The following ENTPD2 variants were observed in gnomAD, a reference collection of about 807,000 sequenced individuals.
ENTPD2 encodes ectonucleoside triphosphate diphosphohydrolase 2.
A neutral mutation model predicts 46.8 loss-of-function variants in ENTPD2; 48 were observed. The observed-to-expected ratio is 1.03, with a 90% CI of 0.81 to 1.30. The LOEUF is 1.30. ENTPD2 is among the 50% of genes most tolerant of loss of function. The probability of loss-of-function intolerance (pLI) is 0.00; values close to 1 mark genes in which losing one functional copy is unlikely to be tolerated. For missense variants in ENTPD2, 707 were observed against 651.1 expected (o/e 1.09, Z -0.93); for synonymous variants, 316 against 286.1 (o/e 1.10, Z -1.06).
rs1458862199 is a variant in ENTPD2, at chr9:137,048,947, C to G, written c.1278G>C (p.Gln426His). 4.3e-6 allele frequency: 6 copies of G among 1,385,760 alleles called. No individual in the cohort carries two copies. The highest frequency in any genetic ancestry group is 1.9e-4 in the Middle Eastern group (1 of 5,322). 85.8% of individuals were successfully genotyped at this position (1,385,760 alleles called of 1,614,324 possible). Residue 426 changes from glutamine (Q) to histidine (H), a missense_variant, in exon 8 of 9, where the codon CAG (glutamine) becomes CAC (histidine). Coordinates refer to ENST00000355097, the MANE Select transcript of ENTPD2 (RefSeq NM_203468.3). ...DERAFGGVIF[Q>H]KKAADTAVGW... ...CCGCCCCGCCCCAGCCCACCTTCTT[C>G]TGGAAGATCACGCCGCCGAAGGCGC...
chr9:137,049,975 GA>G lies in ENTPD2; in HGVS notation c.1043del (p.Phe348SerfsTer27). Reference sequence around the variant, plus strand: ...TCCGCAAAAAGTCCACAGTGTAGAAGAAGGCAGAGAAGGCCTGTAGGGGGCG... The same window carrying G: ...TCCGCAAAAAGTCCACAGTGTAGAAGAGGCAGAGAAGGCCTGTAGGGGGCG... ...VAGNFVAFSA[F>X]FYTVDFLRTS... is the part of the protein sequence containing the mutation. On this transcript the variant is annotated frameshift_variant, in exon 7 of 9. Transcript: ENST00000355097. LOFTEE classifies it high-confidence loss of function. 1 of 1,612,188 alleles carries G rather than the reference GA, an allele frequency of 6.2e-7. No individual in the cohort carries two copies. Among genetic ancestry groups the G allele is most frequent in the Non-Finnish European group, 8.5e-7 (1 of 1,179,634 alleles).
In ENTPD2 at chr9:137,052,491, G is replaced by A. The variant is rs550399911; in HGVS notation, c.118-143C>T. ...GCCAAGCCTCATGCTGAAGCTCAGA[G>A]GAGGCCAGGGCCTCCTCTGAGGCCG... On this transcript the variant is annotated intron_variant, in intron 1 of 8. Transcript: ENST00000355097. The A allele has an allele frequency of 6.5e-5, 42 of 643,024 alleles. No homozygotes were observed. In the South Asian group the frequency reaches 7.6e-4, roughly 12 times the overall value. The allele number at this position is 643,024 out of a possible 1,614,324, so 39.8% of individuals were successfully genotyped here. A position where few individuals can be genotyped will look rare whatever the true frequency, so the allele number is the denominator to read the frequency against.
chr9:137,049,161 C>T, intron 7 of ENTPD2, 86 bp from the exon 8 acceptor site: 1 of 1,531,390 alleles, frequency 6.5e-7, no homozygotes, highest in South Asian at 1.2e-5. Flanking sequence ...GCGTGCTTCA[C>T]CCCTCCCCAG....
chr9:137,049,791 C>T, intron 7 of ENTPD2, 79 bp downstream of exon 7: 2 of 1,491,886 alleles, frequency 1.3e-6, no homozygotes, highest in Non-Finnish European at 1.8e-6. Context: ...GAGGCCTGTC[C>T]ATGCAGGGCT....
chr9:137,051,147 T>C lies in ENTPD2; in HGVS notation c.547-18A>G. The C allele has an allele frequency of 6.2e-7, 1 of 1,612,348 alleles. No individual in the cohort carries two copies. The highest frequency in any genetic ancestry group is 8.5e-7 in the Non-Finnish European group (1 of 1,179,692). On this transcript the variant is annotated intron_variant, in intron 4 of 8. Coordinates refer to ENST00000355097, the MANE Select transcript of ENTPD2 (RefSeq NM_203468.3). ...CAGCCGTACTGTGGAGAGGGGAGTG[T>C]GGGGTCAACCAGGGGCCGAGGGCGC...
chr9:137,048,604 G>A lies in ENTPD2; in HGVS notation c.*53C>T. ...GGGTTGTGGGAGGGGTGGGAGTACG[G>A]GGTGGGGATACAGGGGTTGGGGGAG... On this transcript the variant is annotated 3_prime_UTR_variant, in exon 9 of 9. Coordinates refer to ENST00000355097, the MANE Select transcript of ENTPD2 (RefSeq NM_203468.3). 1 of 1,484,870 alleles carries A rather than the reference G, an allele frequency of 6.7e-7. No individual in the cohort carries two copies. The highest frequency in any genetic ancestry group is 9.0e-7 in the Non-Finnish European group (1 of 1,109,960). The allele number at this position is 1,484,870 out of a possible 1,614,324, so 92.0% of individuals were successfully genotyped here. A position where few individuals can be genotyped will look rare whatever the true frequency, so the allele number is the denominator to read the frequency against.
chr9:137,048,928 C>G lies in ENTPD2; in HGVS notation c.1284+13G>C. On this transcript the variant is annotated intron_variant, in intron 8 of 8. Transcript: ENST00000355097. ...CCGCAAGGTCGGCCCCGCCCCGCCC[C>G]GCCCCAGCCCACCTTCTTCTGGAAG... 6.6e-7 allele frequency: 1 copy of G among 1,507,998 alleles called. No individual in the cohort carries two copies. The highest frequency in any genetic ancestry group is 8.8e-7 in the Non-Finnish European group (1 of 1,130,818). The allele number at this position is 1,507,998 out of a possible 1,614,324, so 93.4% of individuals were successfully genotyped here. A position where few individuals can be genotyped will look rare whatever the true frequency, so the allele number is the denominator to read the frequency against.
Position 137,048,602 on chromosome 9 carries a change from C to A in ENTPD2, c.*55G>T, listed in dbSNP as rs1347090758. The stretch of plus-strand genomic sequence containing the variant: ...AGGGGTTGTGGGAGGGGTGGGAGTA[C>A]GGGGTGGGGATACAGGGGTTGGGGG... On this transcript the variant is annotated 3_prime_UTR_variant, in exon 9 of 9. Coordinates refer to ENST00000355097, the MANE Select transcript of ENTPD2 (RefSeq NM_203468.3). 1 of 1,109,678 alleles carries A rather than the reference C, an allele frequency of 9.0e-7. No homozygotes were observed. The highest frequency in any genetic ancestry group is 5.0e-5 in the East Asian group (1 of 20,046). The allele number at this position is 1,109,678 out of a possible 1,614,324, so 68.7% of individuals were successfully genotyped here.
chr9:137,049,668 T>G (rs1238374630), intron 7 of ENTPD2: 1 of 581,726 alleles, frequency 1.7e-6, no homozygotes. Context: ...GGGTCGGGCC[T>G]GGCGAAGCTT....
intron 8 of ENTPD2, 27 bp downstream of exon 8, chr9:137,048,914 G>GGGCC: frequency 6.8e-7 from 1 of 1,472,008 alleles, no homozygotes; most frequent in Non-Finnish European, 9.0e-7. Flanking sequence ...CGCAAGGTCG[G>GGGCC]CCCCGCCCCG....
Position 137,050,403 on chromosome 9 carries a change from T to G in ENTPD2, c.910A>C (p.Ser304Arg). The change falls in exon 6 of 9, where the codon AGC (serine) becomes CGC (arginine). Residue 304 changes from serine to arginine, a missense_variant. Transcript: ENST00000355097. ...TCTCGGCAGAGGTGGGGGTCACTGC[T>G]CCCTGACAGGCTGACCCTGGCACTG... ...NSSARVSLSGSSDPHLCRDLV... is the reference protein window; with the variant it reads ...NSSARVSLSGRSDPHLCRDLV... The G allele has an allele frequency of 6.2e-7, 1 of 1,612,998 alleles. No individual in the cohort carries two copies. The highest frequency in any genetic ancestry group is 8.5e-7 in the Non-Finnish European group (1 of 1,180,006).
At chr9:137,049,309 G>T (rs1401102078) in intron 7 of ENTPD2, 4 of 749,524 alleles carry the variant, frequency 5.3e-6, no homozygotes, top group Non-Finnish European at 9.3e-6. Context: ...AGGCCAGTGA[G>T]GAGGGACAGC....
chr9:137,048,641 C>G lies in ENTPD2; in HGVS notation c.*16G>C, dbSNP rs1355613006. 2 of 1,553,232 alleles carry G rather than the reference C, an allele frequency of 1.3e-6. No individual in the cohort carries two copies. The highest frequency in any genetic ancestry group is 1.7e-6 in the Non-Finnish European group (2 of 1,151,216). ...AGGGGTTGGGGGAGGGATGGGGCAG[C>G]TGCCCCCGTCGGCCCCTAAATGGTG... On this transcript the variant is annotated 3_prime_UTR_variant, in exon 9 of 9. Coordinates refer to ENST00000355097, the MANE Select transcript of ENTPD2 (RefSeq NM_203468.3).
rs1449344375 is a variant in ENTPD2 at position 137,052,451 on chromosome 9, C to CT, written c.118-104_118-103insA. The CT allele has an allele frequency of 1.7e-5, 15 of 868,378 alleles. No homozygotes were observed. The East Asian group carries it at 1.9e-4, about 11-fold the overall frequency. 53.8% of individuals were successfully genotyped at this position (868,378 alleles called of 1,614,324 possible). A position where few individuals can be genotyped will look rare whatever the true frequency, so the allele number is the denominator to read the frequency against. ...CCTCCAGTTTGCCACCGCTCCCCCC[C>CT]CCACCCAGTCATGTGCCAAGCCTCA... On this transcript the variant is annotated intron_variant, in intron 1 of 8. Coordinates refer to ENST00000355097, the MANE Select transcript of ENTPD2 (RefSeq NM_203468.3).
chr9:137,049,906 T>C lies in ENTPD2; in HGVS notation c.1113A>G (p.Ala371=). 1 of 1,612,354 alleles carries C rather than the reference T, an allele frequency of 6.2e-7. No individual in the cohort carries two copies. Among genetic ancestry groups the C allele is most frequent in the African/African-American group, 1.3e-5 (1 of 75,026 alleles). The change falls in exon 7 of 9, where the codon GCA becomes GCG. Residue 371 remains alanine, a synonymous_variant. Transcript: ENST00000355097. ...TCTGGTTGCAGACATTCACTGCGGC[T>C]GCCTCCAGCTGCTGCAGGGTGGCCA... The part of the protein sequence containing the change: ...LPVATLQQLE[A]AAVNVCNQTW...
In ENTPD2 at chr9:137,048,462, G is replaced by A. The variant is rs1832181219; in HGVS notation, c.*195C>T. 1 of 547,262 alleles carries A rather than the reference G, an allele frequency of 1.8e-6. No individual in the cohort carries two copies. Among genetic ancestry groups the A allele is most frequent in the African/African-American group, 2.0e-5 (1 of 49,646 alleles). 33.9% of individuals were successfully genotyped at this position (547,262 alleles called of 1,614,324 possible). The stretch of plus-strand genomic sequence containing the variant: ...GGGTGGAAGGATGGAGAAGACAGTG[G>A]TGGGGTGGAGCGGTGGGGGATAGAG... On this transcript the variant is annotated 3_prime_UTR_variant, in exon 9 of 9. Transcript: ENST00000355097.
In ENTPD2 at chr9:137,054,026, C is replaced by G; in HGVS notation, c.-29G>C. Reference sequence around the variant, plus strand: ...CGGGCGGGCGCGCGGGAGGACGATGCGTGGACCCGGAGAGTGCGGGGAGCC... The same window carrying G: ...CGGGCGGGCGCGCGGGAGGACGATGGGTGGACCCGGAGAGTGCGGGGAGCC... On this transcript the variant is annotated 5_prime_UTR_variant, in exon 1 of 9. Transcript: ENST00000355097. 8.4e-7 allele frequency: 1 copy of G among 1,185,708 alleles called. No homozygotes were observed. Among genetic ancestry groups the G allele is most frequent in the Non-Finnish European group, 1.0e-6 (1 of 954,478 alleles). 73.4% of individuals were successfully genotyped at this position (1,185,708 alleles called of 1,614,324 possible). A position where few individuals can be genotyped will look rare whatever the true frequency, so the allele number is the denominator to read the frequency against.
At position 137,050,527 on chromosome 9, in the gene ENTPD2, G is replaced by C. The variant is rs1309074430; in HGVS notation, c.786C>G (p.Phe262Leu). ...AAAAGCCCCTCGGCCAGCAGGGGTGGAAGCCGTGGGTCTGGGGGAATCACC... is the reference window on the plus strand; with the variant it reads ...AAAAGCCCCTCGGCCAGCAGGGGTGCAAGCCGTGGGTCTGGGGGAATCACC... ...LLASALQTHG[F>L]HPCWPRGFST... Residue 262 changes from phenylalanine to leucine, a missense_variant, in exon 6 of 9, where the codon TTC (phenylalanine) becomes TTG (leucine). Physicochemically the swap from Phe to Leu is conservative, Grantham distance 22. Transcript: ENST00000355097. 6.2e-7 allele frequency: 1 copy of C among 1,612,456 alleles called. No homozygotes were observed. The highest frequency in any genetic ancestry group is 8.5e-7 in the Non-Finnish European group (1 of 1,179,796).
chr9:137,049,745 T>C, intron 7 of ENTPD2, 125 bp downstream of exon 7: 3 of 1,141,764 alleles, frequency 2.6e-6, no homozygotes, highest in Non-Finnish European at 3.7e-6. Flanking sequence ...GTCAGCCTAA[T>C]GCCTGCCATC....
Sources: allele counts gnomAD v4.1 joint callset, GRCh38; gene constraint gnomAD v4.1.1; transcripts MANE v1.5; gene names NCBI Gene and HGNC (gene_info 2026-07-23, HGNC 2026-07-21).